Variants in SMIM13 observed in about 807,000 individuals in gnomAD.
SMIM13 encodes small integral membrane protein 13, also known as UPF0766 protein C6orf228.
Under a neutral mutation model 5.9 loss-of-function variants are expected in SMIM13, and 3 were observed. The ratio of observed to expected loss-of-function variants is 0.51; its 90% CI spans 0.23 to 1.31. The LOEUF (loss-of-function observed/expected upper bound fraction) is 1.31, where lower values mean the gene tolerates loss of function less well. SMIM13 is among the 40% of genes most tolerant of loss of function. SMIM13 has a pLI of 0.18. For synonymous variants in SMIM13, 55 were observed against 46.0 expected (o/e 1.19, Z -0.79); for missense variants, 85 against 109.9 (o/e 0.77, Z 1.01).
At chr6:11,103,948 G>C (rs924376232) in intron 1 of SMIM13, 2 of 1,551,554 alleles carry the variant, frequency 1.3e-6, no homozygotes, top group Admixed American at 2.0e-5. Flanking sequence ...TGATTTAGGA[G>C]TTGTCTGATG....
intron 1 of SMIM13, among the ~76,000 whole-genome samples, chr6:11,101,433 A>G (rs1757989347): frequency 6.6e-6 from 1 of 152,228 alleles, no homozygotes; most frequent in African/African-American, 2.4e-5. Flanking sequence ...TTGAGGTACT[A>G]TAACTGTAAT....
intron 1 of SMIM13, among the ~76,000 whole-genome samples, chr6:11,122,821 C>T (rs1561758568): frequency 6.6e-6 from 1 of 152,008 alleles, no homozygotes; most frequent in Admixed American, 6.6e-5. Flanking sequence ...AGGCTGTCCT[C>T]CAAGAGCCTA....
At chr6:11,124,008 C>A (rs1314983116) in intron 1 of SMIM13, among the ~76,000 whole-genome samples, 2 of 152,020 alleles carry the variant, frequency 1.3e-5, no homozygotes, top group African/African-American at 4.8e-5. Context: ...CATTATAATT[C>A]TTTTATTTTC....
intron 1 of SMIM13, among the ~76,000 whole-genome samples, chr6:11,115,987 G>A (rs1416679889): frequency 1.4e-5 from 2 of 146,214 alleles, no homozygotes; most frequent in African/African-American, 5.1e-5. Context: ...ATGCCCTGCC[G>A]GCCGGCCTTC....
At chr6:11,121,348 G>A (rs1758306605) in intron 1 of SMIM13, among the ~76,000 whole-genome samples, 1 of 152,198 alleles carries the variant, frequency 6.6e-6, no homozygotes, top group Non-Finnish European at 1.5e-5. Context: ...CTTTGGGTCT[G>A]GGAATTGTAT....
At chr6:11,098,919 A>C (rs1380109655) in intron 1 of SMIM13, among the ~76,000 whole-genome samples, 1 of 152,216 alleles carries the variant, frequency 6.6e-6, no homozygotes, top group Non-Finnish European at 1.5e-5. Context: ...TTAGTCCATT[A>C]ATACATCTAT....
intron 1 of SMIM13, among the ~76,000 whole-genome samples, chr6:11,127,977 T>C (rs771336981): frequency 7.9e-5 from 12 of 152,184 alleles, no homozygotes; most frequent in South Asian, 2.1e-4. Flanking sequence ...AGGCCTGGAA[T>C]TGGGGACATC....
rs1214552050 is a variant in SMIM13 at position 11,094,371 on chromosome 6, C to T, written c.58C>T (p.Leu20=). 3 of 1,537,700 alleles carry T rather than the reference C, an allele frequency of 2.0e-6. No individual in the cohort carries two copies. In the East Asian group the frequency reaches 7.3e-5, roughly 38 times the overall value. ...GTTCGTGGCCACGCTGCTGATCGTC[C>T]TGCTGCTGATGGTGTGCGGTGAGTG... ...LVFVATLLIV[L]LLMVCGWYFV... is the part of the protein sequence containing the mutation. The change falls in exon 1 of 2, where the codon CTG becomes TTG. Residue 20 remains leucine (L), a synonymous_variant. Coordinates refer to ENST00000416247, the MANE Select transcript of SMIM13 (RefSeq NM_001135575.2).
chr6:11,116,613 GT>G (rs776051024), intron 1 of SMIM13, among the ~76,000 whole-genome samples: 1 of 152,170 alleles, frequency 6.6e-6, no homozygotes, highest in African/African-American at 2.4e-5. Flanking sequence ...CACTGTGTCT[GT>G]TTACTCTGAA....
At position 11,120,663 on chromosome 6, in the gene SMIM13, A is replaced by T. The variant is rs573482054; in HGVS notation, c.77-13740A>T. Among the ~76,000 whole-genome samples, 294 of 152,340 alleles carry T rather than the reference A, an allele frequency of 1.9e-3. 3 individuals carry two copies. The highest frequency in any genetic ancestry group is 6.8e-3 in the African/African-American group (284 of 41,570). The stretch of plus-strand genomic sequence containing the variant: ...TTCTCTAGATAGTGCTTTGTGTTTC[A>T]GTCATACTGTCACCATGAAAATCTG... On this transcript the variant is annotated intron_variant, in intron 1 of 1. Transcript: ENST00000416247.
At position 11,134,973 on chromosome 6, in the gene SMIM13, A is replaced by G. The variant is rs1758500491; in HGVS notation, c.*371A>G. ...CTTATCTGAAATTGGGATGCATCTCATTACTGTCAACCAGGTGATAGTCAT... is the reference window on the plus strand; with the variant it reads ...CTTATCTGAAATTGGGATGCATCTCGTTACTGTCAACCAGGTGATAGTCAT... On this transcript the variant is annotated 3_prime_UTR_variant, in exon 2 of 2. Transcript: ENST00000416247. 1 of 157,550 alleles carries G rather than the reference A, an allele frequency of 6.3e-6. No homozygotes were observed. The highest frequency in any genetic ancestry group is 1.4e-5 in the Non-Finnish European group (1 of 71,586). The allele number at this position is 157,550 out of a possible 1,614,324, so 9.8% of individuals were successfully genotyped here.
chr6:11,104,262 C>T (rs1758047446), intron 1 of SMIM13: 1 of 1,551,682 alleles, frequency 6.4e-7, no homozygotes, highest in Non-Finnish European at 8.7e-7. Flanking sequence ...ATGGATTGCC[C>T]TCCTCACCCT....
At chr6:11,114,577 T>C (rs1362435394) in intron 1 of SMIM13, among the ~76,000 whole-genome samples, 1 of 145,110 alleles carries the variant, frequency 6.9e-6, no homozygotes, top group Non-Finnish European at 1.5e-5. Flanking sequence ...ATTGAGATGG[T>C]CATGCACTTT....
chr6:11,130,267 A>C (rs12198021), intron 1 of SMIM13, among the ~76,000 whole-genome samples: 33,073 of 145,814 alleles, frequency 0.23, 4,300 homozygotes, highest in East Asian at 0.48. Flanking sequence ...AAAAAAAAAA[A>C]AACAACAACA....
At position 11,123,703 on chromosome 6, in the gene SMIM13, A is replaced by G. The variant is rs189355444; in HGVS notation, c.77-10700A>G. Among the ~76,000 whole-genome samples, 4 of 152,334 alleles carry G rather than the reference A, an allele frequency of 2.6e-5. No homozygotes were observed. The East Asian group carries it at 7.7e-4, about 29-fold the overall frequency. On this transcript the variant is annotated intron_variant, in intron 1 of 1. Transcript: ENST00000416247. ...TTTTATTGTTACATAATAATCATAC[A>G]TATTTATGGAGTATATATGATATTT...
intron 1 of SMIM13, among the ~76,000 whole-genome samples, chr6:11,115,273 G>A (rs1758222643): frequency 6.6e-6 from 1 of 152,172 alleles, no homozygotes; most frequent in South Asian, 2.1e-4. Flanking sequence ...TTAGATATCA[G>A]TTTCTGTGGG....
chr6:11,125,896 T>C (rs756032889), intron 1 of SMIM13, among the ~76,000 whole-genome samples: 1 of 152,168 alleles, frequency 6.6e-6, no homozygotes, highest in Non-Finnish European at 1.5e-5. Context: ...TTCTCTGTTA[T>C]CTCTTTAAAT....
chr6:11,094,413 G>T, intron 1 of SMIM13, 24 bp downstream of exon 1: 1 of 1,528,108 alleles, frequency 6.5e-7, no homozygotes, highest in Non-Finnish European at 8.8e-7. Context: ...GTAGCCGCGA[G>T]GCAGTTCCAC....
At chr6:11,130,070 C>T (rs551707525) in intron 1 of SMIM13, among the ~76,000 whole-genome samples, 20 of 152,162 alleles carry the variant, frequency 1.3e-4, no homozygotes, top group African/African-American at 4.8e-4. Context: ...TATGGAAACA[C>T]CCTGTCTTCC....
Sources: gnomAD v4.1 joint callset for allele counts (sites outside exome capture counted in the v4.1 genomes callset) on GRCh38, gnomAD v4.1.1 for gene constraint, MANE v1.5 for transcripts, NCBI Gene and HGNC (gene_info 2026-07-23, HGNC 2026-07-21) for gene names.